Variants in CEP128 observed in about 807,000 individuals in gnomAD.
The protein encoded by CEP128 is centrosomal protein 128kDa.
A neutral mutation model predicts 156.7 loss-of-function variants in CEP128; 132 were observed. The ratio of observed to expected loss-of-function variants is 0.84; its 90% CI spans 0.73 to 0.97. The LOEUF (loss-of-function observed/expected upper bound fraction) is 0.97. Ranked by LOEUF, CEP128 falls within the 50% of genes least tolerant of loss-of-function variation. The probability of loss-of-function intolerance (pLI) is 0.00; values close to 1 mark genes in which losing one functional copy is unlikely to be tolerated. For missense variants in CEP128, 1,252 were observed against 1,281.9 expected, an observed-to-expected ratio of 0.98 and a Z score of 0.36; for synonymous variants, 469 against 448.9, an observed-to-expected ratio of 1.04 and a Z score of -0.57.
chr14:80,821,600 T>TACACACACACACACACACACAC (rs71103885), intron 13 of CEP128, among the ~76,000 whole-genome samples: 2 of 145,278 alleles, frequency 1.4e-5, no homozygotes, highest in African/African-American at 5.2e-5. Context: ...CATACACACA[T>TACACACACACACACACACACAC]ACACACACAC....
chr14:80,784,140 G>A (rs553013535), intron 15 of CEP128, among the ~76,000 whole-genome samples: 156 of 152,128 alleles, frequency 1.0e-3, no homozygotes, highest in Non-Finnish European at 2.1e-3. Context: ...TATTTACAAT[G>A]TTCCAAAAAA....
At chr14:80,664,021 C>A (rs187297233) in intron 19 of CEP128, among the ~76,000 whole-genome samples, 1 of 152,242 alleles carries the variant, frequency 6.6e-6, no homozygotes, top group Non-Finnish European at 1.5e-5. Context: ...TCACCCATAT[C>A]TGCCCCTGGC....
At chr14:80,751,518 C>T (rs1247434499) in intron 18 of CEP128, among the ~76,000 whole-genome samples, 3 of 152,102 alleles carry the variant, frequency 2.0e-5, no homozygotes, top group African/African-American at 7.2e-5. Context: ...AAAAACCATT[C>T]TATTAACCAC....
chr14:80,620,855 C>T (rs540858052), intron 19 of CEP128, among the ~76,000 whole-genome samples: 7 of 152,262 alleles, frequency 4.6e-5, no homozygotes, highest in Admixed American at 2.0e-4. Flanking sequence ...TATGTACTTT[C>T]GAACATGTAG....
At position 80,793,016 on chromosome 14, in the gene CEP128, GC is replaced by G; in HGVS notation, c.1303del (p.Ala435ProfsTer13). On this transcript the variant is annotated frameshift_variant, in exon 14 of 25. Transcript: ENST00000555265. LOFTEE classifies it high-confidence loss of function. ...EIQNHFDTCE[A>X]ERKHADLQIS... ...CTGAAGGTCAGCATGCTTACGCTCGGCCTCACATGTGTCAAAGTGATTCTGG... is the reference window on the plus strand; with the variant it reads ...CTGAAGGTCAGCATGCTTACGCTCGGCTCACATGTGTCAAAGTGATTCTGG... 1 of 1,614,164 alleles carries G rather than the reference GC, an allele frequency of 6.2e-7. No individual in the cohort carries two copies. Among genetic ancestry groups the G allele is most frequent in the Middle Eastern group, 1.6e-4 (1 of 6,062 alleles).
At chr14:80,657,155 G>A (rs1419729306) in intron 19 of CEP128, among the ~76,000 whole-genome samples, 1 of 152,070 alleles carries the variant, frequency 6.6e-6, no homozygotes, top group Non-Finnish European at 1.5e-5. Context: ...CTACTTGGGA[G>A]GCTGAGGCAG....
intron 19 of CEP128, among the ~76,000 whole-genome samples, chr14:80,739,267 C>A (rs1309516335): frequency 2.6e-5 from 4 of 152,086 alleles, no homozygotes; most frequent in Non-Finnish European, 5.9e-5. Context: ...TGCTAAGAAG[C>A]TACCCATCAA....
intron 19 of CEP128, among the ~76,000 whole-genome samples, chr14:80,643,296 C>A (rs1382708141): frequency 6.6e-6 from 1 of 152,148 alleles, no homozygotes; most frequent in Admixed American, 6.5e-5. Flanking sequence ...GAGGAGTACA[C>A]AGCCCTGTGG....
chr14:80,687,007 C>T (rs547443693), intron 19 of CEP128, among the ~76,000 whole-genome samples: 25 of 152,196 alleles, frequency 1.6e-4, no homozygotes, highest in Admixed American at 1.2e-3. Flanking sequence ...TTTTAACACC[C>T]CACTGTCAAT....
chr14:80,566,801 C>G (rs959434977), intron 20 of CEP128, among the ~76,000 whole-genome samples: 1 of 151,854 alleles, frequency 6.6e-6, no homozygotes, highest in African/African-American at 2.4e-5. Context: ...TGCTTATGTG[C>G]CTTTTCAAAC....
rs1397891058 is a variant in CEP128 at position 80,622,135 on chromosome 14, C to A, written c.2807-41712G>T. On this transcript the variant is annotated intron_variant, in intron 19 of 24. Coordinates refer to ENST00000555265, the MANE Select transcript of CEP128 (RefSeq NM_152446.5). ...CATAAATGCACAGATGTGGGATAGG[C>A]TTTCTGGAGCTGTTTTTAGCATTCT... 2.0e-5 allele frequency among the ~76,000 whole-genome samples: 3 copies of A among 152,068 alleles called. 1 individual carries two copies. Among genetic ancestry groups the A allele is most frequent in the Non-Finnish European group, 4.4e-5 (3 of 68,014 alleles).
chr14:80,761,282 A>T (rs1477227429), intron 17 of CEP128, among the ~76,000 whole-genome samples, 155 bp downstream of exon 17: 1 of 151,812 alleles, frequency 6.6e-6, no homozygotes, highest in African/African-American at 2.4e-5. Context: ...ACTGTGCAAT[A>T]GATCCAGCGC....
intron 14 of CEP128, among the ~76,000 whole-genome samples, chr14:80,483,282 C>T (rs1030014215): frequency 4.6e-5 from 7 of 152,282 alleles, no homozygotes; most frequent in Non-Finnish European, 7.4e-5. Context: ...ACAAATATGA[C>T]GGCCAACACA....
At chr14:80,799,987 C>A (rs547773331) in intron 13 of CEP128, among the ~76,000 whole-genome samples, 4 of 152,178 alleles carry the variant, frequency 2.6e-5, no homozygotes, top group African/African-American at 7.2e-5. Context: ...CTTTGTTAGA[C>A]CCTTATTAGT....
At chr14:80,909,371 T>TCACACACA (rs36082524) in intron 4 of CEP128, among the ~76,000 whole-genome samples, 22,151 of 142,208 alleles carry the variant, frequency 0.16, 1,923 homozygotes, top group African/African-American at 0.21. Context: ...AAGTGAATTT[T>TCACACACA]CACACACACA....
chr14:80,782,165 C>T (rs1237355314), intron 15 of CEP128, among the ~76,000 whole-genome samples: 2 of 152,224 alleles, frequency 1.3e-5, no homozygotes, highest in Non-Finnish European at 2.9e-5. Context: ...ACCCTCTTCA[C>T]TGTGGTTTTT....
At chr14:80,895,820 ATTTGG>A in intron 7 of CEP128, 30 bp from the exon 8 acceptor site, 1 of 1,260,630 alleles carries the variant, frequency 7.9e-7, no homozygotes, top group Non-Finnish European at 1.1e-6. Context: ...AAAGATTTAA[ATTTGG>A]ATATTTAGAA....
chr14:80,595,027 G>A (rs1000830369), intron 19 of CEP128, among the ~76,000 whole-genome samples: 1 of 152,116 alleles, frequency 6.6e-6, no homozygotes, highest in Non-Finnish European at 1.5e-5. Flanking sequence ...ATGCACACAT[G>A]TGTTTATTGC....
In CEP128 at chr14:80,696,636, C is replaced by G. The variant is rs148576620; in HGVS notation, c.2806+46439G>C. On this transcript the variant is annotated intron_variant, in intron 19 of 24. Transcript: ENST00000555265. ...CAAGTGTTACAGAGAAACAAAACAG[C>G]AAGTGGACTGAAAAGTGACCTTTGT... is the stretch of plus-strand genomic sequence containing the variant. Among the ~76,000 whole-genome samples the G allele has an allele frequency of 2.6e-3, 400 of 152,156 alleles. 2 individuals carry two copies. Among genetic ancestry groups the G allele is most frequent in the African/African-American group, 9.1e-3 (377 of 41,518 alleles).
Sources: allele counts gnomAD v4.1 joint callset (sites outside exome capture counted in the v4.1 genomes callset), GRCh38; gene constraint gnomAD v4.1.1; transcripts MANE v1.5; gene names NCBI Gene and HGNC (gene_info 2026-07-23, HGNC 2026-07-21).